The following ZFHX3 variants were observed in gnomAD, a reference collection of about 807,000 sequenced individuals.
The protein encoded by ZFHX3 is zinc finger homeobox protein 3.
In ZFHX3, 42 loss-of-function variants were observed where a neutral mutation model predicts 279.1. The ratio of observed to expected loss-of-function variants is 0.15; its 90% CI spans 0.12 to 0.19. The LOEUF (loss-of-function observed/expected upper bound fraction) is 0.19. ZFHX3 is among the 10% of genes least tolerant of loss of function. ZFHX3 has a pLI of 1.00. For missense variants in ZFHX3, 4,981 were observed against 4,754.0 expected (o/e 1.05, Z -1.40); for synonymous variants, 2,293 against 1,957.8 (o/e 1.17, Z -4.52).
intron 5 of ZFHX3, among the ~76,000 whole-genome samples, chr16:73,202,945 T>G (rs2011663201): frequency 7.6e-6 from 1 of 132,404 alleles, no homozygotes; most frequent in Non-Finnish European, 1.6e-5. Context: ...CGCCTTGACA[T>G]AACTTTTTTT....
At chr16:73,660,546 A>G (rs1465874590) in intron 2 of ZFHX3, among the ~76,000 whole-genome samples, 2 of 152,228 alleles carry the variant, frequency 1.3e-5, no homozygotes, top group South Asian at 2.1e-4. Context: ...AACCATTTAT[A>G]TAAACATTAA....
rs1048169392 is a variant in ZFHX3, at chr16:72,958,745, C to T, written c.1401G>A (p.Glu467=). Residue 467 remains glutamate, a synonymous_variant, in exon 2 of 10, where the codon GAG becomes GAA. Coordinates refer to ENST00000268489, the MANE Select transcript of ZFHX3 (RefSeq NM_006885.4). ...CCTCCTCCTCCGCCTCTTCCTCCTC[C>T]TCTTCCTCCTCCGCCTCCTCTTCGG... ...EPAEEEAEEE[E]EEEEAEEEEE... 1.2e-6 allele frequency: 2 copies of T among 1,613,336 alleles called. No individual in the cohort carries two copies. Among genetic ancestry groups the T allele is most frequent in the South Asian group, 2.2e-5 (2 of 91,082 alleles).
chr16:73,344,412 C>G (rs1250109068), intron 3 of ZFHX3, among the ~76,000 whole-genome samples: 3 of 152,120 alleles, frequency 2.0e-5, no homozygotes, highest in Admixed American at 2.0e-4. Flanking sequence ...AGGAATTGTT[C>G]TGGTTTGAAA....
chr16:72,842,214 T>C lies in ZFHX3; in HGVS notation c.3449-12355A>G, dbSNP rs922748221. 2.2e-4 allele frequency among the ~76,000 whole-genome samples: 33 copies of C among 152,130 alleles called. 1 individual carries two copies. The highest frequency in any genetic ancestry group is 2.0e-3 in the Admixed American group (31 of 15,274). ...AAGTGAGCAACTTGTTTTTTTGTTT[T>C]TTTTTTCTTTTTTCTTTTTTTGAGA... is the stretch of plus-strand genomic sequence containing the variant. On this transcript the variant is annotated intron_variant, in intron 4 of 9. Coordinates refer to ENST00000268489, the MANE Select transcript of ZFHX3 (RefSeq NM_006885.4).
At chr16:73,162,375 C>A (rs1184447553) in intron 5 of ZFHX3, among the ~76,000 whole-genome samples, 2 of 152,208 alleles carry the variant, frequency 1.3e-5, no homozygotes, top group Non-Finnish European at 1.5e-5. Context: ...TCCCATCACC[C>A]CCACATGGGA....
chr16:73,389,872 C>T (rs573112464), intron 3 of ZFHX3, among the ~76,000 whole-genome samples: 16 of 152,242 alleles, frequency 1.1e-4, no homozygotes, highest in African/African-American at 3.6e-4. Flanking sequence ...CCAGCCTGGC[C>T]AACACAGTGA....
chr16:73,723,765 A>T (rs971456882), intron 1 of ZFHX3, among the ~76,000 whole-genome samples: 3 of 152,230 alleles, frequency 2.0e-5, no homozygotes, highest in African/African-American at 7.2e-5. Context: ...CTTCAAATGT[A>T]GGATAAACTG....
At chr16:73,658,451 C>T (rs781503602) in intron 2 of ZFHX3, among the ~76,000 whole-genome samples, 5 of 152,110 alleles carry the variant, frequency 3.3e-5, no homozygotes, top group Non-Finnish European at 2.9e-5. Flanking sequence ...TATAGGCATG[C>T]GCCACCACAC....
At chr16:73,582,647 T>C (rs546424020) in intron 2 of ZFHX3, among the ~76,000 whole-genome samples, 2 of 151,772 alleles carry the variant, frequency 1.3e-5, no homozygotes, top group African/African-American at 2.4e-5. Context: ...GCAAATTTTT[T>C]GTATTTTTTC....
chr16:72,794,708 C>G lies in ZFHX3; in HGVS notation c.7974G>C (p.Gln2658His), dbSNP rs766056272. Residue 2658 changes from glutamine to histidine, a missense_variant, in exon 9 of 10, where the codon CAG becomes CAC. Gln to His is a conservative substitution (Grantham distance 24, BLOSUM62 0). Around this residue, in one of 7 missense-constraint regions of ZFHX3, gnomAD observed 744 missense variants for 701.3 expected, o/e 1.06. Coordinates refer to ENST00000268489, the MANE Select transcript of ZFHX3 (RefSeq NM_006885.4). The surrounding 1 kb of genome is among the most constrained non-coding windows in gnomAD (Gnocchi z 4.2). ...TCGGATTGGAATCCAGTAGATACTTCTGGTAGAGAATTTCTAGTTGTTCCG... is the reference window on the plus strand; with the variant it reads ...TCGGATTGGAATCCAGTAGATACTTGTGGTAGAGAATTTCTAGTTGTTCCG... ...ITPEQLEILY[Q>H]KYLLDSNPTR... The G allele has an allele frequency of 1.4e-5, 23 of 1,614,098 alleles. No homozygotes were observed. The highest frequency in any genetic ancestry group is 1.8e-5 in the Non-Finnish European group (21 of 1,180,052).
intron 1 of ZFHX3, among the ~76,000 whole-genome samples, chr16:73,861,922 T>C (rs913575705): frequency 7.2e-5 from 11 of 152,230 alleles, no homozygotes; most frequent in Non-Finnish European, 1.3e-4. Flanking sequence ...GTCATTTGTT[T>C]TGTCGAGAGG....
chr16:72,859,322 C>T (rs568146175), intron 4 of ZFHX3, among the ~76,000 whole-genome samples: 1 of 152,338 alleles, frequency 6.6e-6, no homozygotes, highest in East Asian at 1.9e-4. Context: ...AGAAAGTTCT[C>T]TGGATTCCAT....
At chr16:73,619,234 A>G (rs1197440501) in intron 2 of ZFHX3, among the ~76,000 whole-genome samples, 1 of 152,128 alleles carries the variant, frequency 6.6e-6, no homozygotes, top group Non-Finnish European at 1.5e-5. Flanking sequence ...CATGCCTGTA[A>G]TCCTAGCACT....
intron 5 of ZFHX3, among the ~76,000 whole-genome samples, chr16:73,182,007 A>C (rs938359576): frequency 2.6e-5 from 4 of 152,080 alleles, no homozygotes; most frequent in Non-Finnish European, 5.9e-5. Context: ...ACTCTTCTCT[A>C]ATTGTTCCTC....
rs549923700 is a variant in ZFHX3, at chr16:73,034,831, C to T, written c.-50+12921G>A. Among the ~76,000 whole-genome samples the T allele has an allele frequency of 2.0e-5, 3 of 152,312 alleles. No homozygotes were observed. The East Asian group carries it at 5.8e-4, about 29-fold the overall frequency. On this transcript the variant is annotated intron_variant, in intron 1 of 9. Transcript: ENST00000268489. ...CAGGAAGCAGTTTACAGAACACTGG[C>T]ACCCCAATGTCACAGTTCTATCTCC...
intron 2 of ZFHX3, among the ~76,000 whole-genome samples, chr16:73,520,868 A>G (rs1041953831): frequency 6.6e-6 from 1 of 152,232 alleles, no homozygotes; most frequent in Non-Finnish European, 1.5e-5. Flanking sequence ...GACAGAGATC[A>G]TTCTACACCA....
chr16:73,204,693 C>T (rs773620911), intron 5 of ZFHX3, among the ~76,000 whole-genome samples: 46 of 152,298 alleles, frequency 3.0e-4, no homozygotes, highest in African/African-American at 8.7e-4. Flanking sequence ...CCCCTTGTAT[C>T]AGGAACCTTC....
intron 2 of ZFHX3, among the ~76,000 whole-genome samples, chr16:73,515,389 G>A (rs995046736): frequency 6.6e-6 from 1 of 152,006 alleles, no homozygotes; most frequent in Non-Finnish European, 1.5e-5. Context: ...ATGTGGTAGG[G>A]CTTAAACTAG....
chr16:72,979,633 G>A (rs191455574), intron 1 of ZFHX3, among the ~76,000 whole-genome samples: 1 of 152,234 alleles, frequency 6.6e-6, no homozygotes, highest in Admixed American at 6.5e-5. Flanking sequence ...CATGGACCCC[G>A]AAATCAATGC....
Sources: allele counts gnomAD v4.1 joint callset (sites outside exome capture counted in the v4.1 genomes callset), GRCh38; gene constraint gnomAD v4.1.1; regional missense constraint gnomAD v4.1.1; non-coding constraint Gnocchi (gnomAD v3.1); transcripts MANE v1.5; gene names NCBI Gene and HGNC (gene_info 2026-07-23, HGNC 2026-07-21).